Variants in CDYL observed in about 807,000 individuals in gnomAD.
CDYL encodes the protein chromodomain Y-like protein.
Under a neutral mutation model 47.3 loss-of-function variants are expected in CDYL, and 8 were observed. The ratio of observed to expected loss-of-function variants is 0.17; its 90% CI spans 0.10 to 0.31. The LOEUF (loss-of-function observed/expected upper bound fraction) is 0.31, where lower values mean the gene tolerates loss of function less well. CDYL is among the 10% of genes least tolerant of loss of function. CDYL has a pLI of 1.00. For synonymous variants in CDYL, 266 were observed against 265.0 expected (o/e 1.00, Z -0.04); for missense variants, 471 against 701.4 (o/e 0.67, Z 3.71).
chr6:4,712,860 C>T (rs962318091), intron 1 of CDYL, among the ~76,000 whole-genome samples: 1 of 152,190 alleles, frequency 6.6e-6, no homozygotes, highest in African/African-American at 2.4e-5. Flanking sequence ...CAAGTATGTA[C>T]CAAGTATGTG....
At chr6:4,832,168 A>G (rs1232275211) in intron 1 of CDYL, among the ~76,000 whole-genome samples, 1 of 152,096 alleles carries the variant, frequency 6.6e-6, no homozygotes, top group East Asian at 1.9e-4. Flanking sequence ...TTCAAAGGGA[A>G]TGCTTCCAGT....
Position 4,732,735 on chromosome 6 carries a change from A to C in CDYL, c.104-2027A>C, listed in dbSNP as rs9392633. 8.9e-3 allele frequency among the ~76,000 whole-genome samples: 1,341 copies of C among 150,928 alleles called. 24 individuals carry two copies. Among genetic ancestry groups the C allele is most frequent in the African/African-American group, 0.032 (1,291 of 40,720 alleles). On this transcript the variant is annotated intron_variant, in intron 2 of 8. Transcript: ENST00000328908. ...CAATTTTGAGGGGAAAAAAGGTAATAAGAAAAAACAAGGAGAAAGCAATAG... is the reference window on the plus strand; with the variant it reads ...CAATTTTGAGGGGAAAAAAGGTAATCAGAAAAAACAAGGAGAAAGCAATAG...
intron 1 of CDYL, among the ~76,000 whole-genome samples, chr6:4,777,965 T>C (rs980771830): frequency 6.6e-6 from 1 of 152,232 alleles, no homozygotes; most frequent in African/African-American, 2.4e-5. Flanking sequence ...CAGTATACCT[T>C]AGCTGGTACT....
intron 5 of CDYL, among the ~76,000 whole-genome samples, chr6:4,947,132 C>T (rs959130964): frequency 2.8e-4 from 43 of 152,196 alleles, no homozygotes; most frequent in African/African-American, 9.6e-4. Context: ...GTCGTGCAGC[C>T]CGTTTCAGGG....
chr6:4,887,440 T>C (rs1004834904), intron 1 of CDYL, among the ~76,000 whole-genome samples: 3 of 152,150 alleles, frequency 2.0e-5, no homozygotes, highest in East Asian at 1.9e-4. Flanking sequence ...TTTGGTGATA[T>C]AACTAAGACT....
intron 1 of CDYL, among the ~76,000 whole-genome samples, chr6:4,844,142 T>G (rs1760584683): frequency 6.6e-6 from 1 of 152,204 alleles, no homozygotes; most frequent in African/African-American, 2.4e-5. Context: ...TCTGGGCTGG[T>G]ACTCGGGAGT....
intron 1 of CDYL, among the ~76,000 whole-genome samples, chr6:4,854,806 C>T (rs559079987): frequency 7.4e-4 from 112 of 152,258 alleles, no homozygotes; most frequent in African/African-American, 2.6e-3. Context: ...ACATGAAGCA[C>T]CACACACCGA....
At chr6:4,858,386 C>G (rs965056753) in intron 1 of CDYL, among the ~76,000 whole-genome samples, 4 of 152,196 alleles carry the variant, frequency 2.6e-5, no homozygotes, top group Non-Finnish European at 4.4e-5. Context: ...TGGCAGGTGT[C>G]AGGCACTAAA....
intron 3 of CDYL, among the ~76,000 whole-genome samples, chr6:4,752,709 C>CT (rs1313093141): frequency 1.3e-5 from 2 of 152,110 alleles, no homozygotes; most frequent in Non-Finnish European, 2.9e-5. Context: ...CCCACCCCTC[C>CT]TTTTTTGGTA....
At chr6:4,901,841 C>G (rs1397809144) in intron 2 of CDYL, among the ~76,000 whole-genome samples, 3 of 152,180 alleles carry the variant, frequency 2.0e-5, no homozygotes, top group African/African-American at 7.2e-5. Context: ...ACAGCTGGAT[C>G]TGTGGCCTGA....
intron 2 of CDYL, among the ~76,000 whole-genome samples, chr6:4,905,319 A>C (rs62384663): frequency 0.08 from 12,102 of 152,186 alleles, 588 homozygotes; most frequent in South Asian, 0.13. Context: ...CACTCCGTCA[A>C]CCAACTTAGC....
intron 1 of CDYL, among the ~76,000 whole-genome samples, chr6:4,710,832 G>A (rs968953293): frequency 6.6e-6 from 1 of 151,870 alleles, no homozygotes; most frequent in African/African-American, 2.4e-5. Flanking sequence ...AATCCCTGTG[G>A]TTGAAATAAG....
intron 2 of CDYL, among the ~76,000 whole-genome samples, chr6:4,920,815 C>A (rs971330827): frequency 6.6e-6 from 1 of 152,180 alleles, no homozygotes; most frequent in Non-Finnish European, 1.5e-5. Flanking sequence ...GGGATTTCAT[C>A]ATGTTGGCCA....
intron 2 of CDYL, among the ~76,000 whole-genome samples, chr6:4,893,990 C>T (rs545449395): frequency 1.3e-5 from 2 of 152,226 alleles, no homozygotes; most frequent in Non-Finnish European, 2.9e-5. Flanking sequence ...ACACACTTGA[C>T]CCAAACGGTG....
intron 4 of CDYL, among the ~76,000 whole-genome samples, chr6:4,942,707 T>C (rs1758395212): frequency 6.6e-6 from 1 of 152,228 alleles, no homozygotes; most frequent in Non-Finnish European, 1.5e-5. Flanking sequence ...TACCCTACAT[T>C]GAAAAGCAGC....
chr6:4,895,131 ATG>A (rs1333582323), intron 2 of CDYL, among the ~76,000 whole-genome samples: 26 of 56,714 alleles, frequency 4.6e-4, no homozygotes, highest in East Asian at 1.9e-3. Context: ...ATATATGTGC[ATG>A]TGTGTATATG....
chr6:4,826,956 G>C (rs1218121812), intron 1 of CDYL, among the ~76,000 whole-genome samples: 2 of 152,044 alleles, frequency 1.3e-5, no homozygotes, highest in South Asian at 2.1e-4. Flanking sequence ...CTTCAGCTTT[G>C]TCAATATTTG....
At chr6:4,924,049 A>T (rs925247740) in intron 2 of CDYL, among the ~76,000 whole-genome samples, 3 of 152,184 alleles carry the variant, frequency 2.0e-5, no homozygotes, top group African/African-American at 7.2e-5. Context: ...CTAATACAAC[A>T]TTATTGTGTG....
At chr6:4,878,729 T>C (rs1761684473) in intron 1 of CDYL, among the ~76,000 whole-genome samples, 1 of 152,158 alleles carries the variant, frequency 6.6e-6, no homozygotes, top group Admixed American at 6.5e-5. Context: ...AAGCATCTTT[T>C]GGCTTTTTAA....
Sources: gnomAD v4.1 joint callset for allele counts (sites outside exome capture counted in the v4.1 genomes callset) on GRCh38, gnomAD v4.1.1 for gene constraint, MANE v1.5 for transcripts, NCBI Gene and HGNC (gene_info 2026-07-23, HGNC 2026-07-21) for gene names.